The following ABCD3 variants were observed in gnomAD, a reference collection of about 807,000 sequenced individuals.
ABCD3 encodes the protein ATP-binding cassette sub-family D member 3.
In ABCD3, 41 loss-of-function variants were observed where a neutral mutation model predicts 105.5. The ratio of observed to expected loss-of-function variants is 0.39; its 90% confidence interval spans 0.30 to 0.50. ABCD3 has a LOEUF of 0.50. Ranked by LOEUF, ABCD3 falls within the 20% of genes least tolerant of loss-of-function variation. ABCD3 has a pLI of 0.84. For synonymous variants in ABCD3, 258 were observed against 269.0 expected (o/e 0.96, Z 0.40); for missense variants, 622 against 806.3 (o/e 0.77, Z 2.77).
chr1:94,460,655 G>A (rs1647825498), intron 2 of ABCD3, among the ~76,000 whole-genome samples: 1 of 152,114 alleles, frequency 6.6e-6, no homozygotes, highest in Non-Finnish European at 1.5e-5. Flanking sequence ...TCAGTAAACT[G>A]ATGCTGGCTT....
At chr1:94,415,965 G>A (rs1021886954), upstream of ABCD3, among the ~76,000 whole-genome samples, 2 of 152,186 alleles carry the variant, frequency 1.3e-5, no homozygotes, top group African/African-American at 4.8e-5. Flanking sequence ...TGTCAGATGG[G>A]CTTTATCAAT....
chr1:94,456,822 A>G (rs945355141), intron 1 of ABCD3, among the ~76,000 whole-genome samples: 2 of 152,188 alleles, frequency 1.3e-5, no homozygotes, highest in South Asian at 2.1e-4. Flanking sequence ...AGGAACCTCC[A>G]TACTGTTTTC....
chr1:94,392,413 A>C, the ABCD3 span, among the ~76,000 whole-genome samples: 1 of 152,198 alleles, frequency 6.6e-6, no homozygotes, highest in Non-Finnish European at 1.5e-5. Context: ...ATGAGCAAGA[A>C]ATTATGTGTG....
the ABCD3 span, among the ~76,000 whole-genome samples, chr1:94,398,946 C>G: frequency 6.6e-6 from 1 of 151,812 alleles, no homozygotes; most frequent in African/African-American, 2.4e-5. Context: ...CAAAAAAAAC[C>G]TGGATATAGT....
chr1:94,407,806 T>C, the ABCD3 span, among the ~76,000 whole-genome samples: 1 of 152,230 alleles, frequency 6.6e-6, no homozygotes, highest in Admixed American at 6.5e-5. Context: ...AAGCTAAGAA[T>C]GGCTTTTACA....
chr1:94,500,766 C>T (rs1467887188), intron 20 of ABCD3, among the ~76,000 whole-genome samples: 1 of 151,976 alleles, frequency 6.6e-6, no homozygotes, highest in African/African-American at 2.4e-5. Flanking sequence ...TTAATATTAA[C>T]CTAATAGTGT....
chr1:94,458,739 T>C (rs1235072292), intron 2 of ABCD3, 96 bp downstream of exon 2: 12 of 1,260,290 alleles, frequency 9.5e-6, no homozygotes, highest in Non-Finnish European at 1.3e-5. Flanking sequence ...TTATAATTAG[T>C]AGGGAACTTA....
chr1:94,480,052 G>T (rs1403924753), intron 8 of ABCD3, among the ~76,000 whole-genome samples: 1 of 149,200 alleles, frequency 6.7e-6, no homozygotes, highest in Non-Finnish European at 1.5e-5. Flanking sequence ...GATTTGAGAT[G>T]AGAAGAGAAC....
intron 2 of ABCD3, among the ~76,000 whole-genome samples, chr1:94,462,617 T>C (rs1647933408): frequency 6.6e-6 from 1 of 152,212 alleles, no homozygotes; most frequent in African/African-American, 2.4e-5. Flanking sequence ...AGTTAGCAAC[T>C]AATATTTTAA....
chr1:94,497,644 G>T (rs544215842), intron 16 of ABCD3, among the ~76,000 whole-genome samples: 1 of 152,110 alleles, frequency 6.6e-6, no homozygotes, highest in Admixed American at 6.6e-5. Context: ...TATATTTATA[G>T]TGCACATATA....
chr1:94,391,285 T>C, the ABCD3 span, among the ~76,000 whole-genome samples: 1 of 152,120 alleles, frequency 6.6e-6, no homozygotes, highest in Non-Finnish European at 1.5e-5. Context: ...TGATTGCTGG[T>C]TTTGGCCATT....
chr1:94,489,620 T>C (rs1570810222), intron 13 of ABCD3, 105 bp from the exon 14 acceptor site: 1 of 812,292 alleles, frequency 1.2e-6, no homozygotes, highest in African/African-American at 1.7e-5. Context: ...GTTAGGTTAC[T>C]TCATTTATAC....
At chr1:94,491,141 A>G in intron 15 of ABCD3, 43 bp from the exon 16 acceptor site, 1 of 1,389,800 alleles carries the variant, frequency 7.2e-7, no homozygotes, top group Non-Finnish European at 1.0e-6. Context: ...TTAGTTCCTT[A>G]TATACTTTAA....
chr1:94,420,162 T>C (rs1659203998), intron 1 of ABCD3, among the ~76,000 whole-genome samples: 1 of 152,108 alleles, frequency 6.6e-6, no homozygotes, highest in African/African-American at 2.4e-5. Flanking sequence ...ATAGTACACA[T>C]AGAGCTTGAA....
upstream of ABCD3, among the ~76,000 whole-genome samples, chr1:94,416,687 T>A (rs1442603846): frequency 1.3e-5 from 2 of 152,220 alleles, no homozygotes; most frequent in Non-Finnish European, 2.9e-5. Flanking sequence ...CCAGAACCTC[T>A]ATCCCCTAAA....
intron 20 of ABCD3, among the ~76,000 whole-genome samples, chr1:94,505,807 G>T (rs1263331474): frequency 2.6e-5 from 4 of 152,120 alleles, no homozygotes; most frequent in Non-Finnish European, 5.9e-5. Context: ...CTTCTAAAGA[G>T]AATGTTGCAG....
At chr1:94,387,804 T>C in the ABCD3 span, among the ~76,000 whole-genome samples, 1 of 152,190 alleles carries the variant, frequency 6.6e-6, no homozygotes, top group Non-Finnish European at 1.5e-5. Context: ...AGCAGCAGCA[T>C]TATAATGTGA....
chr1:94,391,062 T>C, the ABCD3 span, among the ~76,000 whole-genome samples: 1 of 152,188 alleles, frequency 6.6e-6, no homozygotes, highest in Non-Finnish European at 1.5e-5. Flanking sequence ...TAGATCCTTT[T>C]GGGGAATATT....
intron 8 of ABCD3, 126 bp downstream of exon 8, chr1:94,478,441 C>T: frequency 8.5e-7 from 1 of 1,178,574 alleles, no homozygotes; most frequent in Non-Finnish European, 1.2e-6. Context: ...ACATGATTTA[C>T]CTAACAAAGT....
Sources: allele counts gnomAD v4.1 joint callset (sites outside exome capture counted in the v4.1 genomes callset), GRCh38; gene constraint gnomAD v4.1.1; transcripts MANE v1.5; gene names NCBI Gene and HGNC (gene_info 2026-07-23, HGNC 2026-07-21).